Variants in LPCAT1 observed in about 807,000 individuals in gnomAD.
The protein encoded by LPCAT1 is lysophosphatidylcholine acyltransferase 1.
A neutral mutation model predicts 60.9 loss-of-function variants in LPCAT1; 23 were observed. The observed-to-expected ratio is 0.38, with a 90% CI of 0.27 to 0.53. The LOEUF is 0.53. Ranked by LOEUF, LPCAT1 falls within the 20% of genes least tolerant of loss-of-function variation. The probability of loss-of-function intolerance (pLI) is 0.82; values close to 1 mark genes in which losing one functional copy is unlikely to be tolerated. For missense variants in LPCAT1, 622 were observed against 723.6 expected (o/e 0.86, Z 1.61); for synonymous variants, 340 against 301.1 (o/e 1.13, Z -1.34).
At chr5:1,518,064 C>T (rs1055807606) in intron 1 of LPCAT1, among the ~76,000 whole-genome samples, 4 of 152,250 alleles carry the variant, frequency 2.6e-5, no homozygotes, top group African/African-American at 2.4e-5. Context: ...GGCTGACGGA[C>T]GCCTCAGGGT....
chr5:1,471,319 C>T (rs549491949), intron 11 of LPCAT1, among the ~76,000 whole-genome samples: 4 of 152,330 alleles, frequency 2.6e-5, no homozygotes, highest in Admixed American at 1.3e-4. Flanking sequence ...AAGGTGAACC[C>T]GGAGCTGTGA....
intron 3 of LPCAT1, among the ~76,000 whole-genome samples, chr5:1,490,108 C>A (rs1170781326): frequency 6.6e-6 from 1 of 152,196 alleles, no homozygotes; most frequent in Non-Finnish European, 1.5e-5. Context: ...GTCCATGGCA[C>A]CCACTGAGGA....
rs1257138577 is a variant in LPCAT1 at position 1,523,013 on chromosome 5, T to C, written c.135+697A>G. Among the ~76,000 whole-genome samples the C allele has an allele frequency of 6.6e-6, 1 of 152,146 alleles. No homozygotes were observed. The highest frequency in any genetic ancestry group is 1.9e-4 in the East Asian group (1 of 5,180). On this transcript the variant is annotated intron_variant, in intron 1 of 13. Coordinates refer to ENST00000283415, the MANE Select transcript of LPCAT1 (RefSeq NM_024830.5). The surrounding 1 kb of genome is among the most constrained non-coding windows in gnomAD (Gnocchi z 7.1). ...CTCCCACGTGGCAGCCCAGGTTGCA[T>C]AAAGTTGATTCGGGTCAGACCAGCC...
At chr5:1,468,748 G>T (rs747839885) in intron 12 of LPCAT1, among the ~76,000 whole-genome samples, 4 of 152,234 alleles carry the variant, frequency 2.6e-5, no homozygotes, top group African/African-American at 9.7e-5. Flanking sequence ...CTGCGCATCC[G>T]GAGTCCTGAG....
intron 1 of LPCAT1, among the ~76,000 whole-genome samples, chr5:1,514,254 GA>G (rs2126617267): frequency 6.6e-6 from 1 of 152,348 alleles, no homozygotes; most frequent in East Asian, 1.9e-4. Context: ...CAGGCACAGG[GA>G]GGCCCCAGCC....
At chr5:1,505,391 G>A (rs1206604651) in intron 1 of LPCAT1, among the ~76,000 whole-genome samples, 7 of 152,236 alleles carry the variant, frequency 4.6e-5, no homozygotes, top group South Asian at 2.1e-4. Flanking sequence ...CACAGAGTGC[G>A]GAATAAAATC....
At chr5:1,485,011 G>A (rs1043641519) in intron 5 of LPCAT1, among the ~76,000 whole-genome samples, 1 of 152,164 alleles carries the variant, frequency 6.6e-6, no homozygotes, top group African/African-American at 2.4e-5. Flanking sequence ...CCGAGTCCCA[G>A]CCCCTGAGAC....
Position 1,473,985 on chromosome 5 carries a change from AG to A in LPCAT1, c.1150del (p.Leu384TrpfsTer73). 6.2e-7 allele frequency: 1 copy of A among 1,614,240 alleles called. No individual in the cohort carries two copies. Among genetic ancestry groups the A allele is most frequent in the Non-Finnish European group, 8.5e-7 (1 of 1,180,052 alleles). ...ASLEVPVSDL[L>X]EDMFSLFDES... ...GTCGAACAGTGAAAACATGTCTTCC[AG>A]CAAGTCAGAAACGGGGACTTCCAGG... On this transcript the variant is annotated frameshift_variant, in exon 11 of 14. Coordinates refer to ENST00000283415, the MANE Select transcript of LPCAT1 (RefSeq NM_024830.5). LOFTEE classifies it high-confidence loss of function.
At chr5:1,467,506 CG>C (rs1003947789) in intron 12 of LPCAT1, among the ~76,000 whole-genome samples, 10 of 152,050 alleles carry the variant, frequency 6.6e-5, no homozygotes, top group Admixed American at 2.0e-4. Context: ...GCGGCGGCTC[CG>C]GCCCTCTCTG....
Position 1,523,746 on chromosome 5 carries a change from C to T in LPCAT1, c.99G>A (p.Val33=). 1.7e-6 allele frequency: 2 copies of T among 1,176,402 alleles called. No homozygotes were observed. Among genetic ancestry groups the T allele is most frequent in the Non-Finnish European group, 2.1e-6 (2 of 945,106 alleles). The allele number at this position is 1,176,402 out of a possible 1,614,324, so 72.9% of individuals were successfully genotyped here. ...GCAGGGCGCTGAGGCGCAGCTCGTG[C>T]ACGAAGGGGTTCCGCCCCGGGGGCG... is the stretch of plus-strand genomic sequence containing the variant. ...LLAPPGRNPF[V]HELRLSALQK... is the part of the protein sequence containing the mutation. Residue 33 remains valine (V), a synonymous_variant, in exon 1 of 14, where the codon GTG becomes GTA. Coordinates refer to ENST00000283415, the MANE Select transcript of LPCAT1 (RefSeq NM_024830.5). This position sits in a 1 kb window ranked among gnomAD's most constrained non-coding sequence, Gnocchi z 7.1.
At position 1,491,670 on chromosome 5, in the gene LPCAT1, A is replaced by G. The variant is rs554263077; in HGVS notation, c.494-1812T>C. Among the ~76,000 whole-genome samples, 7 of 152,276 alleles carry G rather than the reference A, an allele frequency of 4.6e-5. No individual in the cohort carries two copies. In the South Asian group the frequency reaches 1.5e-3, roughly 32 times the overall value. On this transcript the variant is annotated intron_variant, in intron 3 of 13. Coordinates refer to ENST00000283415, the MANE Select transcript of LPCAT1 (RefSeq NM_024830.5). ...GTCACCACGCCGTGTGCACAGCCACACTGGGACTGGCGCATTTTGCCAGCA... is the reference window on the plus strand; with the variant it reads ...GTCACCACGCCGTGTGCACAGCCACGCTGGGACTGGCGCATTTTGCCAGCA...
rs769293449 is a variant in LPCAT1 at position 1,461,851 on chromosome 5, G to A, written c.*1800C>T. 1.3e-5 allele frequency: 2 copies of A among 152,524 alleles called. No individual in the cohort carries two copies. The highest frequency in any genetic ancestry group is 2.4e-5 in the African/African-American group (1 of 41,396). The allele number at this position is 152,524 out of a possible 1,614,324, so 9.4% of individuals were successfully genotyped here. On this transcript the variant is annotated 3_prime_UTR_variant, in exon 14 of 14. Transcript: ENST00000283415. ...CTTAGTTTATTTACCTCCTTCATTGGCCATTTGCAGGCTCTTCTCCTTGAA... is the reference window on the plus strand; with the variant it reads ...CTTAGTTTATTTACCTCCTTCATTGACCATTTGCAGGCTCTTCTCCTTGAA...
rs1736737983 is a variant in LPCAT1, at chr5:1,523,497, G to A, written c.135+213C>T. 6.6e-6 allele frequency among the ~76,000 whole-genome samples: 1 copy of A among 151,396 alleles called. No homozygotes were observed. Among genetic ancestry groups the A allele is most frequent in the African/African-American group, 2.4e-5 (1 of 41,318 alleles). On this transcript the variant is annotated intron_variant, in intron 1 of 13. Transcript: ENST00000283415. The surrounding 1 kb of genome is among the most constrained non-coding windows in gnomAD (Gnocchi z 7.1). ...GCTGAGGGACCAGGATGCGCGTGCG[G>A]GCGGCGGGAAGCCGGCGCCGAGACC... is the stretch of plus-strand genomic sequence containing the variant.
Position 1,523,910 on chromosome 5 carries a change from TGGGCGCGGGTCTCG to T in LPCAT1, c.-80_-67del, listed in dbSNP as rs937739325. On this transcript the variant is annotated 5_prime_UTR_variant, in exon 1 of 14. Transcript: ENST00000283415. The surrounding 1 kb of genome is among the most constrained non-coding windows in gnomAD (Gnocchi z 7.1). ...GGCGCCGAGCGGGGCCGGGGCTAGCTGGGCGCGGGTCTCGGGGCGCGGGCCGAGGATGCGCGGCG... is the reference window on the plus strand; with the variant it reads ...GGCGCCGAGCGGGGCCGGGGCTAGCTGGGCGCGGGCCGAGGATGCGCGGCG... 2.8e-4 allele frequency: 276 copies of T among 992,234 alleles called. No homozygotes were observed. In the African/African-American group the frequency reaches 4.5e-3, roughly 16 times the overall value. 61.5% of individuals were successfully genotyped at this position (992,234 alleles called of 1,614,324 possible).
chr5:1,472,095 C>T (rs1734702460), intron 11 of LPCAT1, among the ~76,000 whole-genome samples: 1 of 109,566 alleles, frequency 9.1e-6, no homozygotes, highest in East Asian at 2.9e-4. Context: ...GATCAGAGAG[C>T]AGGAGATAAT....
intron 1 of LPCAT1, among the ~76,000 whole-genome samples, chr5:1,520,860 C>CAAAAAAAAAAAAA (rs59074953): frequency 9.8e-5 from 8 of 82,024 alleles, no homozygotes; most frequent in South Asian, 4.5e-4. Context: ...GAGACTGTCT[C>CAAAAAAAAAAAAA]AAAAAAAAAA....
At position 1,481,072 on chromosome 5, in the gene LPCAT1, C is replaced by T; in HGVS notation, c.727-96G>A. 1 of 1,418,180 alleles carries T rather than the reference C, an allele frequency of 7.1e-7. No individual in the cohort carries two copies. The highest frequency in any genetic ancestry group is 9.9e-7 in the Non-Finnish European group (1 of 1,010,044). 87.8% of individuals were successfully genotyped at this position (1,418,180 alleles called of 1,614,324 possible). ...GCCGGCCTCTCCCTGCACCTCCCACCCCACAGAGGCGCTGCAGCCAGGGGG... is the reference window on the plus strand; with the variant it reads ...GCCGGCCTCTCCCTGCACCTCCCACTCCACAGAGGCGCTGCAGCCAGGGGG... On this transcript the variant is annotated intron_variant, in intron 6 of 13. Transcript: ENST00000283415. This position sits in a 1 kb window ranked among gnomAD's most constrained non-coding sequence, Gnocchi z 7.8.
intron 1 of LPCAT1, among the ~76,000 whole-genome samples, chr5:1,504,806 A>G (rs1736133071): frequency 6.6e-6 from 1 of 152,132 alleles, no homozygotes; most frequent in Non-Finnish European, 1.5e-5. Flanking sequence ...CCCTGGGCAG[A>G]CGCCATGAAG....
chr5:1,472,633 ATGC>A (rs1019242393), intron 11 of LPCAT1, among the ~76,000 whole-genome samples: 11 of 152,174 alleles, frequency 7.2e-5, no homozygotes, highest in Non-Finnish European at 1.3e-4. Flanking sequence ...GAAACCAGGA[ATGC>A]TGCCTGTGAA....
Sources: allele counts gnomAD v4.1 joint callset (sites outside exome capture counted in the v4.1 genomes callset), GRCh38; gene constraint gnomAD v4.1.1; non-coding constraint Gnocchi (gnomAD v3.1); transcripts MANE v1.5; gene names NCBI Gene and HGNC (gene_info 2026-07-23, HGNC 2026-07-21).